CCDC102B: variants seen among roughly 807,000 people sequenced by gnomAD.
CCDC102B encodes coiled-coil domain-containing protein 102B.
In CCDC102B, 75 loss-of-function variants were observed where a neutral mutation model predicts 57.4. The ratio of observed to expected loss-of-function variants is 1.31; its 90% confidence interval spans 1.08 to 1.58. The LOEUF is 1.58. Ranked by LOEUF, CCDC102B falls within the 40% of genes most tolerant of loss-of-function variation. CCDC102B has a pLI of 0.00. For synonymous variants in CCDC102B, 206 were observed against 201.9 expected (o/e 1.02, Z -0.17); for missense variants, 636 against 582.6 (o/e 1.09, Z -0.94).
chr18:68,885,397 A>G (rs1328597571), intron 5 of CCDC102B, among the ~76,000 whole-genome samples: 1 of 152,078 alleles, frequency 6.6e-6, no homozygotes, highest in African/African-American at 2.4e-5. Flanking sequence ...GAATATATCC[A>G]TCCAATAAGT....
At chr18:68,872,378 ACACT>A (rs2039272937) in intron 4 of CCDC102B, among the ~76,000 whole-genome samples, 1 of 152,168 alleles carries the variant, frequency 6.6e-6, no homozygotes, top group Admixed American at 6.6e-5. Flanking sequence ...AAACTTCAGT[ACACT>A]CCAGTATTAA....
At chr18:68,879,258 G>T (rs2039580908) in intron 5 of CCDC102B, among the ~76,000 whole-genome samples, 1 of 152,196 alleles carries the variant, frequency 6.6e-6, no homozygotes, top group African/African-American at 2.4e-5. Context: ...TGAAGCTGCA[G>T]ATCTTCGTGG....
At chr18:68,870,415 A>C (rs187540223) in intron 4 of CCDC102B, among the ~76,000 whole-genome samples, 10 of 152,324 alleles carry the variant, frequency 6.6e-5, no homozygotes, top group African/African-American at 2.2e-4. Context: ...ACGCTCCCTC[A>C]TCCCCAACCT....
intron 2 of CCDC102B, among the ~76,000 whole-genome samples, chr18:68,778,976 A>C (rs1430220040): frequency 6.6e-6 from 1 of 151,912 alleles, no homozygotes; most frequent in Non-Finnish European, 1.5e-5. Context: ...AAGGAACCTG[A>C]CTTATTCTAA....
At chr18:68,998,986 A>ATG (rs1315126129) in intron 6 of CCDC102B, among the ~76,000 whole-genome samples, 1 of 74,004 alleles carries the variant, frequency 1.4e-5, no homozygotes, top group African/African-American at 4.6e-5. Context: ...ATATATATAT[A>ATG]TATATATATA....
intron 1 of CCDC102B, among the ~76,000 whole-genome samples, chr18:68,824,417 T>C (rs893181148): frequency 6.6e-6 from 1 of 152,224 alleles, no homozygotes; most frequent in African/African-American, 2.4e-5. Flanking sequence ...GCAAAGTCTT[T>C]AGGGTTTTCT....
intron 1 of CCDC102B, among the ~76,000 whole-genome samples, chr18:68,809,187 T>G (rs377166815): frequency 2.0e-5 from 3 of 152,318 alleles, no homozygotes. Context: ...TTCTACAATA[T>G]TGTGCTTTGA....
chr18:68,956,637 T>C (rs2049908472), intron 6 of CCDC102B, among the ~76,000 whole-genome samples: 1 of 126,782 alleles, frequency 7.9e-6, no homozygotes, highest in Non-Finnish European at 1.6e-5. Flanking sequence ...TATCGCACCA[T>C]ACATATAGCA....
chr18:68,743,351 T>C (rs1010967414), intron 2 of CCDC102B, among the ~76,000 whole-genome samples: 10 of 152,134 alleles, frequency 6.6e-5, no homozygotes, highest in African/African-American at 2.4e-4. Context: ...GAGCCTGCAG[T>C]GAGCCAAGAT....
chr18:68,926,981 T>C (rs192998482), intron 6 of CCDC102B, among the ~76,000 whole-genome samples: 1 of 152,120 alleles, frequency 6.6e-6, no homozygotes, highest in East Asian at 1.9e-4. Flanking sequence ...AGTCAGATAA[T>C]ATTCTTTAGT....
chr18:68,772,741 T>C (rs1258882959), intron 2 of CCDC102B, among the ~76,000 whole-genome samples: 1 of 152,158 alleles, frequency 6.6e-6, no homozygotes, highest in African/African-American at 2.4e-5. Context: ...AAAGAAGGAA[T>C]GTTAGCAGAG....
intron 2 of CCDC102B, among the ~76,000 whole-genome samples, chr18:68,723,059 C>T (rs189425360): frequency 7.9e-5 from 12 of 152,038 alleles, no homozygotes; most frequent in Admixed American, 6.6e-4. Flanking sequence ...CTGGGGAGGC[C>T]TCAGGAAACT....
intron 4 of CCDC102B, among the ~76,000 whole-genome samples, chr18:68,874,335 G>C (rs2039358275): frequency 1.3e-5 from 2 of 151,746 alleles, no homozygotes; most frequent in South Asian, 4.2e-4. Context: ...CTAATATTCA[G>C]GATGAAAAGA....
chr18:68,992,002 A>AT (rs2050880942), intron 6 of CCDC102B, among the ~76,000 whole-genome samples: 1 of 152,068 alleles, frequency 6.6e-6, no homozygotes, highest in Non-Finnish European at 1.5e-5. Context: ...AGGCTTTATA[A>AT]TTTTTTCCTG....
In CCDC102B at chr18:68,837,052, G is replaced by C. The variant is rs2037412498; in HGVS notation, c.289G>C (p.Asp97His). The C allele has an allele frequency of 6.2e-7, 1 of 1,614,134 alleles. No homozygotes were observed. The highest frequency in any genetic ancestry group is 8.5e-7 in the Non-Finnish European group (1 of 1,180,038). Residue 97 changes from aspartate to histidine, a missense_variant, in exon 2 of 8, where the codon GAC becomes CAC. Coordinates refer to ENST00000360242, the MANE Select transcript of CCDC102B (RefSeq NM_024781.3). ...QMEKTMRWWSDCTANWREKWS... is the reference protein window; with the variant it reads ...QMEKTMRWWSHCTANWREKWS... The stretch of plus-strand genomic sequence containing the variant: ...GGAAAAGACCATGCGGTGGTGGTCG[G>C]ACTGCACTGCCAACTGGAGAGAAAA...
At chr18:68,883,552 G>A (rs2039768686) in intron 5 of CCDC102B, among the ~76,000 whole-genome samples, 1 of 152,140 alleles carries the variant, frequency 6.6e-6, no homozygotes, top group Non-Finnish European at 1.5e-5. Flanking sequence ...TTCTCACATA[G>A]CCAGCCAATG....
chr18:69,051,555 A>G (rs543213142), intron 7 of CCDC102B, among the ~76,000 whole-genome samples: 68 of 152,174 alleles, frequency 4.5e-4, no homozygotes, highest in African/African-American at 1.6e-3. Context: ...TTTATAAAGA[A>G]TCAAGAATAA....
intron 2 of CCDC102B, among the ~76,000 whole-genome samples, chr18:68,737,327 T>C (rs1351148734): frequency 1.3e-5 from 2 of 151,992 alleles, no homozygotes; most frequent in Non-Finnish European, 2.9e-5. Context: ...GAGAAAACTA[T>C]GAGGAAGGCC....
At chr18:69,042,113 G>A (rs2145476294) in intron 7 of CCDC102B, among the ~76,000 whole-genome samples, 1 of 152,130 alleles carries the variant, frequency 6.6e-6, no homozygotes, top group Middle Eastern at 3.4e-3. Flanking sequence ...ACGAAAATAA[G>A]GGTGGAACGA....
Sources: gnomAD v4.1 joint callset for allele counts (sites outside exome capture counted in the v4.1 genomes callset) on GRCh38, gnomAD v4.1.1 for gene constraint, MANE v1.5 for transcripts, NCBI Gene and HGNC (gene_info 2026-07-23, HGNC 2026-07-21) for gene names.